The following ADAMTS16 variants were observed in gnomAD, a reference collection of about 807,000 sequenced individuals.
ADAMTS16 encodes A disintegrin and metalloproteinase with thrombospondin motifs 16.
In ADAMTS16, 94 loss-of-function variants were observed where a neutral mutation model predicts 145.8. That is an observed-to-expected ratio of 0.64 (90% CI 0.55 to 0.77). The LOEUF (loss-of-function observed/expected upper bound fraction) is 0.77, where lower values mean the gene tolerates loss of function less well. ADAMTS16 is among the 30% of genes least tolerant of loss of function. The probability of loss-of-function intolerance (pLI) is 0.00; values close to 1 mark genes in which losing one functional copy is unlikely to be tolerated. For missense variants in ADAMTS16, 1,585 were observed against 1,591.5 expected (o/e 1.00, Z 0.07); for synonymous variants, 659 against 604.3 (o/e 1.09, Z -1.33).
At chr5:5,157,724 G>A (rs912430524) in intron 3 of ADAMTS16, among the ~76,000 whole-genome samples, 1 of 152,044 alleles carries the variant, frequency 6.6e-6, no homozygotes, top group Admixed American at 6.6e-5. Context: ...ATTTAAATCT[G>A]TATGAGTCTT....
chr5:5,169,221 A>G (rs1168637644), intron 3 of ADAMTS16, among the ~76,000 whole-genome samples: 1 of 152,194 alleles, frequency 6.6e-6, no homozygotes, highest in East Asian at 1.9e-4. Flanking sequence ...GTTCTATTTA[A>G]TAATTATCAC....
At chr5:5,148,233 C>T (rs2126506724) in intron 3 of ADAMTS16, among the ~76,000 whole-genome samples, 1 of 152,288 alleles carries the variant, frequency 6.6e-6, no homozygotes, top group South Asian at 2.1e-4. Context: ...ATGGTCACTA[C>T]AAATGAGACC....
intron 3 of ADAMTS16, among the ~76,000 whole-genome samples, chr5:5,174,056 A>G (rs1158691912): frequency 6.6e-6 from 1 of 152,174 alleles, no homozygotes; most frequent in East Asian, 1.9e-4. Context: ...CTACCTTCAC[A>G]TGATTTTTCT....
chr5:5,242,011 T>C (rs973589580), intron 16 of ADAMTS16, 42 bp from the exon 17 acceptor site: 1 of 1,610,124 alleles, frequency 6.2e-7, no homozygotes, highest in Non-Finnish European at 8.5e-7. Flanking sequence ...TTGCTGGTTT[T>C]GCATTAATTT....
rs764397980 is a variant in ADAMTS16 at position 5,250,736 on chromosome 5, T to TGTGTGTGTGC, written c.2662+8546_2662+8547insTGTGTGTGCG. ...GTGTGTGTGTGTGTGTGTGTGTGTG[T>TGTGTGTGTGC]GCGCGCACTCCTGGAGAGGCACAGA... On this transcript the variant is annotated intron_variant, in intron 17 of 22. Coordinates refer to ENST00000274181, the MANE Select transcript of ADAMTS16 (RefSeq NM_139056.4). Among the ~76,000 whole-genome samples the TGTGTGTGTGC allele has an allele frequency of 6.0e-3, 853 of 141,902 alleles. 6 individuals are homozygous for TGTGTGTGTGC. The highest frequency in any genetic ancestry group is 0.015 in the Middle Eastern group (4 of 264). 93.1% of individuals were successfully genotyped at this position (141,902 alleles called of 152,430 possible).
At chr5:5,164,875 G>T (rs1579282216) in intron 3 of ADAMTS16, among the ~76,000 whole-genome samples, 1 of 151,858 alleles carries the variant, frequency 6.6e-6, no homozygotes, top group Non-Finnish European at 1.5e-5. Context: ...ACGGGGTTTT[G>T]CCATGTTAGT....
intron 18 of ADAMTS16, among the ~76,000 whole-genome samples, chr5:5,299,182 G>C (rs1456646871): frequency 6.6e-6 from 1 of 152,156 alleles, no homozygotes; most frequent in African/African-American, 2.4e-5. Flanking sequence ...AGAATTCCTA[G>C]AGTTATTCTT....
Position 5,143,572 on chromosome 5 carries a change from G to A in ADAMTS16, c.176-2558G>A, listed in dbSNP as rs1030248028. ...CAACCATTGTGGAAGACAGTGTGGC[G>A]ATTCCTCAAGGATCTAGAACAAGAA... On this transcript the variant is annotated intron_variant, in intron 2 of 22. Coordinates refer to ENST00000274181, the MANE Select transcript of ADAMTS16 (RefSeq NM_139056.4). 2.0e-5 allele frequency among the ~76,000 whole-genome samples: 3 copies of A among 152,172 alleles called. 1 individual carries two copies. In the South Asian group the frequency reaches 6.2e-4, roughly 31 times the overall value.
intron 5 of ADAMTS16, 84 bp from the exon 6 acceptor site, chr5:5,187,641 A>C (rs186570498): frequency 1.2e-6 from 1 of 851,016 alleles, no homozygotes; most frequent in Non-Finnish European, 2.0e-6. Flanking sequence ...ACTGAAGAAC[A>C]AGGGCGTTGG....
At chr5:5,313,315 G>A (rs977789776) in intron 21 of ADAMTS16, among the ~76,000 whole-genome samples, 39 of 152,318 alleles carry the variant, frequency 2.6e-4, no homozygotes, top group African/African-American at 9.4e-4. Context: ...CCACCAGACA[G>A]GCTTATTCTT....
chr5:5,204,943 A>G (rs1736052069), intron 9 of ADAMTS16, among the ~76,000 whole-genome samples: 2 of 152,164 alleles, frequency 1.3e-5, no homozygotes, highest in African/African-American at 2.4e-5. Context: ...GATATTTTTC[A>G]TTTTAGGTAT....
At chr5:5,234,106 A>C (rs1041477429) in intron 12 of ADAMTS16, among the ~76,000 whole-genome samples, 1 of 152,122 alleles carries the variant, frequency 6.6e-6, no homozygotes, top group Non-Finnish European at 1.5e-5. Context: ...TTGTTGTTTC[A>C]GTCCCATCTT....
At chr5:5,155,620 G>C (rs1179831604) in intron 3 of ADAMTS16, among the ~76,000 whole-genome samples, 1 of 152,202 alleles carries the variant, frequency 6.6e-6, no homozygotes, top group Non-Finnish European at 1.5e-5. Flanking sequence ...GAGCTAGCTG[G>C]TGCTAGGACT....
At chr5:5,243,978 T>G (rs1232224837) in intron 17 of ADAMTS16, among the ~76,000 whole-genome samples, 1 of 152,260 alleles carries the variant, frequency 6.6e-6, no homozygotes, top group Non-Finnish European at 1.5e-5. Context: ...AGCTGCATTA[T>G]AGAGCTAGTG....
At chr5:5,312,718 A>G (rs1339981592) in intron 21 of ADAMTS16, among the ~76,000 whole-genome samples, 2 of 152,192 alleles carry the variant, frequency 1.3e-5, no homozygotes. Context: ...TCGGCTTCCC[A>G]AAGTGCTGGG....
chr5:5,209,335 T>C, intron 10 of ADAMTS16, 89 bp downstream of exon 10: 1 of 1,474,892 alleles, frequency 6.8e-7, no homozygotes, highest in Non-Finnish European at 9.2e-7. Flanking sequence ...TCTGCATTTA[T>C]TGGGTACCTA....
chr5:5,149,165 T>G (rs148069635), intron 3 of ADAMTS16, among the ~76,000 whole-genome samples: 95 of 152,318 alleles, frequency 6.2e-4, no homozygotes, highest in African/African-American at 2.1e-3. Flanking sequence ...CCTAAAATTA[T>G]TTCTAGAGTT....
chr5:5,266,464 CG>C (rs1160949795), intron 18 of ADAMTS16, among the ~76,000 whole-genome samples: 1 of 152,360 alleles, frequency 6.6e-6, no homozygotes, highest in East Asian at 1.9e-4. Flanking sequence ...TTCCCTAGGA[CG>C]GGCCTCCGCC....
At chr5:5,174,587 G>A (rs1735138674) in intron 3 of ADAMTS16, among the ~76,000 whole-genome samples, 1 of 151,802 alleles carries the variant, frequency 6.6e-6, no homozygotes. Context: ...TCTTAGATTT[G>A]CCATTTGAAA....
Sources: gnomAD v4.1 joint callset for allele counts (sites outside exome capture counted in the v4.1 genomes callset) on GRCh38, gnomAD v4.1.1 for gene constraint, MANE v1.5 for transcripts, NCBI Gene and HGNC (gene_info 2026-07-23, HGNC 2026-07-21) for gene names.